RGS12: variants seen among roughly 807,000 people sequenced by gnomAD.
The protein encoded by RGS12 is regulator of G-protein signaling 12.
Under a neutral mutation model 120.1 loss-of-function variants are expected in RGS12, and 66 were observed. The ratio of observed to expected loss-of-function variants is 0.55; its 90% CI spans 0.45 to 0.67. The LOEUF is 0.67. Among genes scored for constraint, RGS12 ranks in the 30% least tolerant of loss-of-function variants. RGS12 has a pLI of 0.00. For synonymous variants in RGS12, 827 were observed against 804.7 expected (o/e 1.03, Z -0.47); for missense variants, 1,859 against 1,957.7 (o/e 0.95, Z 0.95).
chr4:3,317,058 C>T lies in RGS12; in HGVS notation c.888C>T (p.Ala296=), dbSNP rs199805940. Residue 296 remains alanine, a synonymous_variant, in exon 2 of 18, where the codon GCC becomes GCT. Transcript: ENST00000336727. ...DKAGVVAEYP[A]EKLAFSAVCP... ...CTGGAGTCGTGGCCGAGTACCCGGC[C>T]GAGAAGCTGGCCTTCAGCGCCGTGT... The T allele has an allele frequency of 2.5e-4, 406 of 1,613,610 alleles. No homozygotes were observed. The highest frequency in any genetic ancestry group is 3.1e-4 in the Non-Finnish European group (367 of 1,180,038).
chr4:3,425,627 G>A (rs1723533735), intron 14 of RGS12, 67 bp downstream of exon 14: 1 of 1,187,552 alleles, frequency 8.4e-7, no homozygotes, highest in Admixed American at 1.9e-5. Context: ...GGGGGCTATG[G>A]AGCCGGTGCA....
intron 2 of RGS12, among the ~76,000 whole-genome samples, chr4:3,318,374 TC>T (rs1293291615): frequency 2.6e-5 from 4 of 152,294 alleles, no homozygotes; most frequent in African/African-American, 9.6e-5. Context: ...TTCCTCCCCT[TC>T]CTGCTCCTCC....
intron 3 of RGS12, among the ~76,000 whole-genome samples, chr4:3,348,494 A>G (rs946178840): frequency 1.3e-5 from 2 of 152,198 alleles, no homozygotes; most frequent in African/African-American, 4.8e-5. Flanking sequence ...CTTGAATTTA[A>G]TGAGACATAG....
At chr4:3,437,124 G>T (rs537303181) in intron 17 of RGS12, among the ~76,000 whole-genome samples, 4 of 152,180 alleles carry the variant, frequency 2.6e-5, no homozygotes, top group African/African-American at 7.2e-5. Context: ...GTGAGGCAGC[G>T]TGCTGCTCAG....
At chr4:3,373,639 G>A (rs2108903330) in intron 3 of RGS12, among the ~76,000 whole-genome samples, 1 of 152,360 alleles carries the variant, frequency 6.6e-6, no homozygotes, top group African/African-American at 2.4e-5. Context: ...GGATCGCAGG[G>A]CGTGCACACC....
intron 2 of RGS12, among the ~76,000 whole-genome samples, chr4:3,320,291 A>G (rs1465427903): frequency 1.3e-5 from 2 of 152,206 alleles, no homozygotes; most frequent in African/African-American, 2.4e-5. Context: ...ACATGGGGGA[A>G]TAGGTGGGGT....
chr4:3,435,462 C>T (rs114207714), intron 17 of RGS12, among the ~76,000 whole-genome samples: 207 of 152,226 alleles, frequency 1.4e-3, no homozygotes, highest in African/African-American at 4.7e-3. Flanking sequence ...GAGCCTGCCA[C>T]TGGTCTCAGG....
At chr4:3,401,013 T>C (rs1473605347) in intron 4 of RGS12, among the ~76,000 whole-genome samples, 1 of 152,088 alleles carries the variant, frequency 6.6e-6, no homozygotes, top group Non-Finnish European at 1.5e-5. Flanking sequence ...ATAATCATCA[T>C]TTACAAATAA....
At chr4:3,404,687 G>A (rs1339051045) in intron 4 of RGS12, among the ~76,000 whole-genome samples, 2 of 152,242 alleles carry the variant, frequency 1.3e-5, no homozygotes, top group Non-Finnish European at 2.9e-5. Flanking sequence ...TGTGGATGGA[G>A]AGATAGACAT....
chr4:3,326,311 A>G (rs1725551256), intron 2 of RGS12, among the ~76,000 whole-genome samples: 1 of 152,186 alleles, frequency 6.6e-6, no homozygotes. Flanking sequence ...CAGTGCTGCT[A>G]TCCTAGGTCA....
At chr4:3,349,683 T>C (rs533216131) in intron 3 of RGS12, among the ~76,000 whole-genome samples, 13 of 152,286 alleles carry the variant, frequency 8.5e-5, no homozygotes, top group African/African-American at 2.9e-4. Flanking sequence ...TAATTTTTAG[T>C]GAAAACCTTG....
At chr4:3,388,455 G>T (rs1305404560) in intron 4 of RGS12, among the ~76,000 whole-genome samples, 1 of 152,254 alleles carries the variant, frequency 6.6e-6, no homozygotes, top group Non-Finnish European at 1.5e-5. Context: ...GCCGTTGTTA[G>T]ATGTAGGGCA....
intron 1 of RGS12, among the ~76,000 whole-genome samples, chr4:3,309,397 T>G (rs1160963335): frequency 0.042 from 1,433 of 33,746 alleles, 1 homozygote; most frequent in African/African-American, 0.095. Flanking sequence ...GCTGGGACCC[T>G]GGAATGGCAG....
chr4:3,293,129 G>A (rs1199078013), intron 1 of RGS12, 30 bp downstream of exon 1: 1 of 146,434 alleles, frequency 6.8e-6, no homozygotes, highest in Non-Finnish European at 1.5e-5. Flanking sequence ...GCCGGGGCGG[G>A]GGCAGGGCGC....
At chr4:3,323,783 G>GT (rs1042305150) in intron 2 of RGS12, among the ~76,000 whole-genome samples, 10 of 152,042 alleles carry the variant, frequency 6.6e-5, no homozygotes, top group African/African-American at 2.4e-4. Flanking sequence ...TTTTAAAAGT[G>GT]TATGTGCATT....
chr4:3,378,342 TCA>T (rs2108928621), intron 3 of RGS12: 1 of 152,172 alleles, frequency 6.6e-6, no homozygotes, highest in East Asian at 1.9e-4. Context: ...CTCCATGACA[TCA>T]GTTTCGGCGA....
At chr4:3,344,027 C>T (rs6855975) in intron 3 of RGS12, among the ~76,000 whole-genome samples, 2,748 of 152,254 alleles carry the variant, frequency 0.018, 69 homozygotes, top group African/African-American at 0.059. Flanking sequence ...TCTGCCCTTA[C>T]GGCATTCTTG....
intron 2 of RGS12, among the ~76,000 whole-genome samples, chr4:3,341,070 G>A (rs541290565): frequency 4.2e-4 from 64 of 150,938 alleles, no homozygotes; most frequent in Admixed American, 2.4e-3. Flanking sequence ...GTCCCTCCCC[G>A]AGCATCCTCT....
rs1269515244 is a variant in RGS12 at position 3,366,584 on chromosome 4, C to T, written c.1999-19832C>T. Among the ~76,000 whole-genome samples, 1 of 152,218 alleles carries T rather than the reference C, an allele frequency of 6.6e-6. No individual in the cohort carries two copies. Among genetic ancestry groups the T allele is most frequent in the African/African-American group, 2.4e-5 (1 of 41,452 alleles). The stretch of plus-strand genomic sequence containing the variant: ...CGGCCGGGATCCACCAGGGCCGTCC[C>T]GGTTCCTGGGTGTTCCGCGCCCGTC... On this transcript the variant is annotated intron_variant, in intron 3 of 17. Coordinates refer to ENST00000336727, the MANE Select transcript of RGS12 (RefSeq NM_001394154.1). The surrounding 1 kb of genome is among the most constrained non-coding windows in gnomAD (Gnocchi z 4.0).
Sources: gnomAD v4.1 joint callset for allele counts (sites outside exome capture counted in the v4.1 genomes callset) on GRCh38, gnomAD v4.1.1 for gene constraint, Gnocchi (gnomAD v3.1) non-coding constraint, MANE v1.5 for transcripts, NCBI Gene and HGNC (gene_info 2026-07-23, HGNC 2026-07-21) for gene names.